The following CCDC7 variants were observed in gnomAD, a reference collection of about 807,000 sequenced individuals.
CCDC7 encodes the protein coiled-coil domain containing 7.
A neutral mutation model predicts 196.9 loss-of-function variants in CCDC7; 183 were observed. The observed-to-expected ratio is 0.93, with a 90% CI of 0.82 to 1.05. The LOEUF (loss-of-function observed/expected upper bound fraction) is 1.05, where lower values mean the gene tolerates loss of function less well. Among genes scored for constraint, CCDC7 ranks in the 50% least tolerant of loss-of-function variants. CCDC7 has a pLI of 0.00. For missense variants in CCDC7, 1,540 were observed against 1,482.2 expected, an observed-to-expected ratio of 1.04 and a Z score of -0.64; for synonymous variants, 525 against 484.6, an observed-to-expected ratio of 1.08 and a Z score of -1.10.
At chr10:32,810,053 A>T (rs1215508735) in intron 30 of CCDC7, among the ~76,000 whole-genome samples, 1 of 147,844 alleles carries the variant, frequency 6.8e-6, no homozygotes, top group Non-Finnish European at 1.5e-5. Flanking sequence ...CACACAAATG[A>T]GGAAGAAAAA....
At chr10:32,834,996 A>G (rs1593278667) in intron 33 of CCDC7, 98 bp downstream of exon 34, 2 of 509,156 alleles carry the variant, frequency 3.9e-6, no homozygotes, top group South Asian at 5.0e-5. Context: ...AAGTTATTAC[A>G]TGCGAAAATA....
At chr10:32,827,098 G>A (rs1205492308) in intron 32 of CCDC7, among the ~76,000 whole-genome samples, 1 of 152,178 alleles carries the variant, frequency 6.6e-6, no homozygotes, top group Non-Finnish European at 1.5e-5. Context: ...TAATCAAGTG[G>A]ATAGGATGAC....
chr10:32,549,212 T>G (rs112676977), intron 13 of CCDC7, among the ~76,000 whole-genome samples: 7,790 of 152,286 alleles, frequency 0.051, 652 homozygotes, highest in African/African-American at 0.18. Context: ...GTATATCTTC[T>G]TTTGAGAATT....
Position 32,830,121 on chromosome 10 carries a change from G to GATATATATATATATATAT in CCDC7, c.3269-4691_3269-4674dup. Among the ~76,000 whole-genome samples the GATATATATATATATATAT allele has an allele frequency of 1.7e-3, 85 of 50,562 alleles. 8 individuals are homozygous for GATATATATATATATATAT. The highest frequency in any genetic ancestry group is 2.8e-3 in the South Asian group (3 of 1,054). 33.2% of individuals were successfully genotyped at this position (50,562 alleles called of 152,430 possible). Reference sequence around the variant, plus strand: ...TCCTATTAGTTCTTATATATATAAGGATATATATATATATATATATCCTAT... The same window carrying GATATATATATATATATAT: ...TCCTATTAGTTCTTATATATATAAGGATATATATATATATATATATATATATATATATATATATCCTAT... On this transcript the variant is annotated intron_variant, in intron 32 of 41. Transcript: ENST00000639629.
intron 25 of CCDC7, among the ~76,000 whole-genome samples, chr10:32,712,727 A>G (rs1349891968): frequency 1.3e-5 from 2 of 152,334 alleles, no homozygotes; most frequent in East Asian, 1.9e-4. Flanking sequence ...GACATTTGCT[A>G]TGTCAATTGG....
chr10:32,712,678 A>G lies in CCDC7; in HGVS notation c.2569+948A>G, dbSNP rs149106091. Among the ~76,000 whole-genome samples the G allele has an allele frequency of 1.3e-3, 192 of 152,330 alleles. 1 individual carries two copies. Among genetic ancestry groups the G allele is most frequent in the African/African-American group, 4.2e-3 (176 of 41,580 alleles). Reference sequence around the variant, plus strand: ...TTGTAACCTATCCTACATAATTCTAACTAATCCTGATCATCCTCTTGGAGA... The same window carrying G: ...TTGTAACCTATCCTACATAATTCTAGCTAATCCTGATCATCCTCTTGGAGA... On this transcript the variant is annotated intron_variant, in intron 25 of 41. Transcript: ENST00000639629.
intron 8 of CCDC7, among the ~76,000 whole-genome samples, chr10:32,476,871 C>G (rs1588966376): frequency 1.3e-5 from 2 of 152,232 alleles, no homozygotes; most frequent in East Asian, 3.9e-4. Context: ...GTGAGGTATT[C>G]AGGTCTTTTA....
chr10:32,544,280 A>G, exon 13 of CCDC7: 1 of 1,609,882 alleles, frequency 6.2e-7, no homozygotes, highest in Non-Finnish European at 8.5e-7. Flanking sequence ...TTAAAATAAA[A>G]GAAGATTTGG....
chr10:32,687,282 T>C (rs1256516367), intron 22 of CCDC7, among the ~76,000 whole-genome samples: 1 of 152,210 alleles, frequency 6.6e-6, no homozygotes, highest in Non-Finnish European at 1.5e-5. Context: ...TTTCTATTTC[T>C]CCCTCAGGCA....
intron 21 of CCDC7, among the ~76,000 whole-genome samples, chr10:32,680,999 C>T (rs1289519149): frequency 2.0e-5 from 3 of 152,178 alleles, no homozygotes; most frequent in African/African-American, 7.2e-5. Context: ...AGTCAGTGAG[C>T]ACCCCTTGGT....
chr10:32,478,222 A>G (rs1588979831), intron 8 of CCDC7, among the ~76,000 whole-genome samples: 1 of 152,184 alleles, frequency 6.6e-6, no homozygotes, highest in South Asian at 2.1e-4. Flanking sequence ...TTATTACTAG[A>G]TATTGGTGAT....
rs749284967 is a variant in CCDC7 at position 32,778,931 on chromosome 10, G to T, written c.2906-46G>T. On this transcript the variant is annotated intron_variant, in intron 28 of 41. Transcript: ENST00000639629. Reference sequence around the variant, plus strand: ...TGCATTGCTAGGTGTTTCACAAAATGTTAGTTTTTTAAATCAACTACTTTG... The same window carrying T: ...TGCATTGCTAGGTGTTTCACAAAATTTTAGTTTTTTAAATCAACTACTTTG... 7 of 1,410,764 alleles carry T rather than the reference G, an allele frequency of 5.0e-6. No individual in the cohort carries two copies. The African/African-American group carries it at 1.0e-4, about 20-fold the overall frequency. The allele number at this position is 1,410,764 out of a possible 1,614,324, so 87.4% of individuals were successfully genotyped here. A position where few individuals can be genotyped will look rare whatever the true frequency, so the allele number is the denominator to read the frequency against.
At chr10:32,635,630 A>G (rs2065504257) in intron 20 of CCDC7, among the ~76,000 whole-genome samples, 1 of 152,152 alleles carries the variant, frequency 6.6e-6, no homozygotes, top group Non-Finnish European at 1.5e-5. Context: ...CACAAAAACA[A>G]AACAAAACAA....
intron 25 of CCDC7, among the ~76,000 whole-genome samples, chr10:32,715,819 T>G (rs957796768): frequency 2.0e-5 from 3 of 152,074 alleles, no homozygotes. Flanking sequence ...AAGATCAACT[T>G]AATGAAATAA....
intron 26 of CCDC7, among the ~76,000 whole-genome samples, chr10:32,727,063 C>T (rs1310765860): frequency 6.6e-6 from 1 of 152,098 alleles, no homozygotes; most frequent in East Asian, 1.9e-4. Flanking sequence ...CAATATCTAC[C>T]AAGGCCCAAT....
At chr10:32,502,854 C>A (rs1019616279) in intron 9 of CCDC7, among the ~76,000 whole-genome samples, 10 of 152,112 alleles carry the variant, frequency 6.6e-5, no homozygotes, top group Admixed American at 6.5e-4. Context: ...GTTTTCAGTG[C>A]AAAAGATCTT....
chr10:32,737,763 C>T (rs73261276), intron 28 of CCDC7, among the ~76,000 whole-genome samples: 8,083 of 152,164 alleles, frequency 0.053, 716 homozygotes, highest in African/African-American at 0.18. Flanking sequence ...CTTTTTATCA[C>T]TGTGTAATGT....
chr10:32,483,470 C>G (rs2040378226), intron 8 of CCDC7, among the ~76,000 whole-genome samples: 4 of 152,194 alleles, frequency 2.6e-5, no homozygotes, highest in African/African-American at 9.7e-5. Context: ...ATGGTAGTTT[C>G]TTTTGCTGTG....
At chr10:32,762,619 T>A (rs1363068219) in intron 28 of CCDC7, among the ~76,000 whole-genome samples, 1 of 151,574 alleles carries the variant, frequency 6.6e-6, no homozygotes, top group African/African-American at 2.4e-5. Flanking sequence ...AAAAATATTT[T>A]AAAAATATTT....
Sources: gnomAD v4.1 joint callset for allele counts (sites outside exome capture counted in the v4.1 genomes callset) on GRCh38, gnomAD v4.1.1 for gene constraint, MANE v1.5 for transcripts, NCBI Gene and HGNC (gene_info 2026-07-23, HGNC 2026-07-21) for gene names.